The following ABCC11 variants were observed in gnomAD, a reference collection of about 807,000 sequenced individuals.
ABCC11 encodes ATP binding cassette subfamily C member 11, also known as ATP-binding cassette sub-family C member 11.
ABCC11 carries 135 observed loss-of-function variants against 149.3 expected under a neutral mutation model. The observed-to-expected ratio is 0.90, with a 90% CI of 0.79 to 1.04. The LOEUF (loss-of-function observed/expected upper bound fraction) is 1.04. Ranked by LOEUF, ABCC11 falls within the 50% of genes least tolerant of loss-of-function variation. ABCC11 has a pLI of 0.00. For synonymous variants in ABCC11, 665 were observed against 671.4 expected, an observed-to-expected ratio of 0.99 and a Z score of 0.15; for missense variants, 1,680 against 1,722.1, an observed-to-expected ratio of 0.98 and a Z score of 0.43.
intron 12 of ABCC11, 105 bp downstream of exon 12, chr16:48,208,320 C>T (rs1010863019): frequency 1.6e-5 from 20 of 1,247,838 alleles, no homozygotes; most frequent in Non-Finnish European, 2.0e-5. Flanking sequence ...CTTGCTCAGA[C>T]CCCTGTGAGG....
intron 11 of ABCC11, among the ~76,000 whole-genome samples, chr16:48,208,867 A>C (rs1968668345): frequency 6.6e-6 from 1 of 152,202 alleles, no homozygotes; most frequent in Admixed American, 6.5e-5. Flanking sequence ...GCCTCACAGA[A>C]TTTCATGCAT....
intron 12 of ABCC11, among the ~76,000 whole-genome samples, 158 bp downstream of exon 12, chr16:48,208,267 C>A (rs1025355026): frequency 6.6e-6 from 1 of 152,188 alleles, no homozygotes; most frequent in African/African-American, 2.4e-5. Context: ...ACGCACCTCC[C>A]GCACAGTGCA....
intron 12 of ABCC11, among the ~76,000 whole-genome samples, chr16:48,206,413 G>A (rs1260047998): frequency 1.2e-4 from 18 of 152,150 alleles, no homozygotes; most frequent in Admixed American, 1.2e-3. Context: ...ATGGATCCCT[G>A]CTGTAGTGTT....
intron 1 of ABCC11, among the ~76,000 whole-genome samples, chr16:48,243,837 C>T (rs1971151227): frequency 6.6e-6 from 1 of 151,924 alleles, no homozygotes; most frequent in African/African-American, 2.4e-5. Flanking sequence ...ACTAAAAATA[C>T]AACAATTAGC....
rs1168267654 is a variant in ABCC11 at position 48,203,271 on chromosome 16, A to C, written c.1835T>G (p.Leu612Arg). 1 of 1,584,176 alleles carries C rather than the reference A, an allele frequency of 6.3e-7. No individual in the cohort carries two copies. The change falls in exon 14 of 30, where the codon CTG (leucine) becomes CGG (arginine). Residue 612 changes from leucine (L) to arginine (R), a missense_variant. By Grantham distance (102) the Leu-to-Arg change is moderately radical. Coordinates refer to ENST00000356608, the MANE Select transcript of ABCC11 (RefSeq NM_001370497.1). ...RYLQVLHCCS[L>R]NRDLELLPFG... is the part of the protein sequence containing the mutation. ...GGGCAGAAGTTCCAGGTCCCGATTC[A>C]GGGAGCAGCAGTGGAGCACCTGGAG...
intron 22 of ABCC11, among the ~76,000 whole-genome samples, chr16:48,186,406 AGACT>A (rs1190335612): frequency 1.3e-5 from 2 of 152,192 alleles, no homozygotes; most frequent in African/African-American, 4.8e-5. Flanking sequence ...TTTTTCCACC[AGACT>A]ATGAACTTCT....
At chr16:48,231,701 A>G (rs1185937799) in intron 2 of ABCC11, 122 bp downstream of exon 2, 2 of 1,414,174 alleles carry the variant, frequency 1.4e-6, no homozygotes, top group Non-Finnish European at 1.9e-6. Context: ...GCAAAAAGAG[A>G]AAAGAAAAAA....
chr16:48,170,858 A>G, intron 27 of ABCC11, 31 bp downstream of exon 27: 1 of 1,588,190 alleles, frequency 6.3e-7, no homozygotes, highest in Non-Finnish European at 8.6e-7. Context: ...ATGCAGACTT[A>G]GACCAAGACT....
intron 22 of ABCC11, among the ~76,000 whole-genome samples, 186 bp downstream of exon 22, chr16:48,186,767 C>T (rs1384344963): frequency 1.3e-5 from 2 of 152,180 alleles, no homozygotes; most frequent in Non-Finnish European, 2.9e-5. Flanking sequence ...CTATCATTTA[C>T]ATTTTTCATT....
At chr16:48,186,921 C>A in intron 22 of ABCC11, 32 bp downstream of exon 22, 1 of 1,612,812 alleles carries the variant, frequency 6.2e-7, no homozygotes, top group Non-Finnish European at 8.5e-7. Flanking sequence ...CCTGTGGTTC[C>A]ATCATTCTCA....
At position 48,213,515 on chromosome 16, in the gene ABCC11, C is replaced by T. The variant is rs1427447028; in HGVS notation, c.1284G>A (p.Arg428=). 4 of 1,610,732 alleles carry T rather than the reference C, an allele frequency of 2.5e-6. No individual in the cohort carries two copies. Among genetic ancestry groups the T allele is most frequent in the East Asian group, 2.2e-5 (1 of 44,560 alleles). ...FSMLASLNLL[R]LSVFFVPIAV... is the part of the protein sequence containing the mutation. ...CAATAGGCACAAAGAACACTGACAGCCGAAGGAGATTCAAGGAGGCCAGCA... is the reference window on the plus strand; with the variant it reads ...CAATAGGCACAAAGAACACTGACAGTCGAAGGAGATTCAAGGAGGCCAGCA... The change falls in exon 10 of 30, where the codon CGG becomes CGA. Residue 428 remains arginine, a synonymous_variant. Transcript: ENST00000356608.
chr16:48,237,231 G>GT (rs1017711711), intron 1 of ABCC11, among the ~76,000 whole-genome samples: 3 of 152,120 alleles, frequency 2.0e-5, no homozygotes, highest in African/African-American at 7.2e-5. Context: ...TTTTATCTCT[G>GT]TACCACCCTC....
chr16:48,229,541 T>C (rs1439588062), intron 3 of ABCC11, among the ~76,000 whole-genome samples: 1 of 141,346 alleles, frequency 7.1e-6, no homozygotes, highest in Non-Finnish European at 1.5e-5. Flanking sequence ...CTCGGCTCAC[T>C]GCAAGCTCCG....
At chr16:48,204,974 A>G (rs963056356) in intron 13 of ABCC11, among the ~76,000 whole-genome samples, 5 of 151,534 alleles carry the variant, frequency 3.3e-5, no homozygotes, top group African/African-American at 1.2e-4. Context: ...GAACCTCATC[A>G]CTCCCATTTG....
intron 15 of ABCC11, among the ~76,000 whole-genome samples, chr16:48,198,930 G>A (rs184368923): frequency 1.3e-4 from 20 of 151,922 alleles, no homozygotes; most frequent in African/African-American, 3.9e-4. Context: ...CCAGCTACTC[G>A]GGAGGCTGAG....
At chr16:48,231,475 A>T (rs571750524) in intron 2 of ABCC11, among the ~76,000 whole-genome samples, 1 of 152,138 alleles carries the variant, frequency 6.6e-6, no homozygotes, top group East Asian at 1.9e-4. Context: ...AAGCCTGGGC[A>T]ACATAGGGAG....
intron 1 of ABCC11, chr16:48,244,154 T>TCG (rs1971182936): frequency 2.2e-6 from 1 of 458,186 alleles, no homozygotes; most frequent in Non-Finnish European, 3.8e-6. Flanking sequence ...GAGGCGAAGG[T>TCG]CGCTGCACGC....
At chr16:48,204,462 AC>A (rs1968262311) in intron 13 of ABCC11, among the ~76,000 whole-genome samples, 1 of 152,236 alleles carries the variant, frequency 6.6e-6, no homozygotes, top group East Asian at 1.9e-4. Context: ...AGGCTTATTC[AC>A]GATCGGTGAC....
At chr16:48,197,859 C>T in intron 17 of ABCC11, 112 bp downstream of exon 17, 1 of 1,150,790 alleles carries the variant, frequency 8.7e-7, no homozygotes, top group Non-Finnish European at 1.3e-6. Flanking sequence ...TGCTTAGGGT[C>T]TCAAGACACT....
Sources: allele counts gnomAD v4.1 joint callset (sites outside exome capture counted in the v4.1 genomes callset), GRCh38; gene constraint gnomAD v4.1.1; transcripts MANE v1.5; gene names NCBI Gene and HGNC (gene_info 2026-07-23, HGNC 2026-07-21).